The following CPNE4 variants were observed in gnomAD, a reference collection of about 807,000 sequenced individuals.
CPNE4 encodes copine 4.
A neutral mutation model predicts 67.9 loss-of-function variants in CPNE4; 25 were observed. That is an observed-to-expected ratio of 0.37 (90% CI 0.27 to 0.51). The LOEUF (loss-of-function observed/expected upper bound fraction) is 0.51. Among genes scored for constraint, CPNE4 ranks in the 20% least tolerant of loss-of-function variants. The pLI, the probability that CPNE4 is intolerant of heterozygous loss-of-function variation, is 0.93. For synonymous variants in CPNE4, 242 were observed against 244.9 expected (o/e 0.99, Z 0.11); for missense variants, 464 against 690.8 (o/e 0.67, Z 3.68).
chr3:131,977,547 A>C (rs1284726162), intron 1 of CPNE4, among the ~76,000 whole-genome samples: 3 of 151,930 alleles, frequency 2.0e-5, no homozygotes, highest in Admixed American at 2.0e-4. Context: ...ATACCATGCA[A>C]ACACACACAC....
At chr3:131,576,129 T>G (rs1044975116) in intron 9 of CPNE4, among the ~76,000 whole-genome samples, 1 of 149,212 alleles carries the variant, frequency 6.7e-6, no homozygotes, top group Non-Finnish European at 1.5e-5. Flanking sequence ...TCAGATTCCA[T>G]CTAATGCTCA....
chr3:131,677,320 G>A (rs886335961), intron 6 of CPNE4, among the ~76,000 whole-genome samples: 31 of 151,384 alleles, frequency 2.0e-4, no homozygotes, highest in African/African-American at 7.3e-4. Context: ...CCTTATAGAC[G>A]CTGGATATTA....
At chr3:131,949,597 G>T (rs1246658301) in intron 1 of CPNE4, among the ~76,000 whole-genome samples, 1 of 152,056 alleles carries the variant, frequency 6.6e-6, no homozygotes, top group Non-Finnish European at 1.5e-5. Flanking sequence ...TCTGAGTCAA[G>T]AATAAAATAA....
chr3:131,575,852 AG>A (rs1937535930), intron 9 of CPNE4, among the ~76,000 whole-genome samples: 1 of 152,088 alleles, frequency 6.6e-6, no homozygotes. Context: ...TCTGGAAGTC[AG>A]TATGGTTGTT....
In CPNE4 at chr3:131,739,074, T is replaced by G. The variant is rs2082303410; in HGVS notation, c.181-15449A>C. On this transcript the variant is annotated intron_variant, in intron 2 of 15. Coordinates refer to ENST00000429747, the MANE Select transcript of CPNE4 (RefSeq NM_130808.3). ...TTCGCCATGTTGGCCAGGCTGCTTT[T>G]TATTTTCTATACTTTTATACTTCGA... Among the ~76,000 whole-genome samples, 2 of 152,228 alleles carry G rather than the reference T, an allele frequency of 1.3e-5. 1 individual carries two copies. The highest frequency in any genetic ancestry group is 4.1e-4 in the South Asian group (2 of 4,824).
chr3:131,664,475 T>C (rs561236312), intron 7 of CPNE4, among the ~76,000 whole-genome samples: 1 of 152,330 alleles, frequency 6.6e-6, no homozygotes, highest in South Asian at 2.1e-4. Flanking sequence ...TATAGTTTTA[T>C]TGAGAGACTT....
intron 1 of CPNE4, among the ~76,000 whole-genome samples, chr3:132,033,603 C>G (rs972214226): frequency 6.6e-6 from 1 of 152,206 alleles, no homozygotes; most frequent in Admixed American, 6.5e-5. Context: ...GTGACTTTCC[C>G]TGGAGCCTAG....
chr3:131,875,466 T>C (rs558916783), intron 2 of CPNE4, among the ~76,000 whole-genome samples: 1 of 152,046 alleles, frequency 6.6e-6, no homozygotes, highest in Non-Finnish European at 1.5e-5. Flanking sequence ...ATTAAGAAAA[T>C]GTGGCACATA....
intron 5 of CPNE4, among the ~76,000 whole-genome samples, chr3:131,687,374 T>C (rs2080918081): frequency 6.6e-6 from 1 of 152,212 alleles, no homozygotes; most frequent in South Asian, 2.1e-4. Context: ...TAGTACATAG[T>C]GTTTATTGAA....
chr3:131,818,874 G>A (rs901334688), intron 2 of CPNE4, among the ~76,000 whole-genome samples: 2 of 152,206 alleles, frequency 1.3e-5, no homozygotes, highest in African/African-American at 4.8e-5. Context: ...GGCTGAGGCA[G>A]GCAGATCACG....
intron 2 of CPNE4, among the ~76,000 whole-genome samples, chr3:131,874,213 C>G (rs572785142): frequency 1.3e-5 from 2 of 151,904 alleles, no homozygotes; most frequent in Non-Finnish European, 1.5e-5. Context: ...CTCAGCCCCC[C>G]GAGTAGCTGA....
At chr3:131,634,981 A>G (rs969717577) in intron 7 of CPNE4, among the ~76,000 whole-genome samples, 2 of 152,212 alleles carry the variant, frequency 1.3e-5, no homozygotes, top group Non-Finnish European at 2.9e-5. Context: ...TATTTCATTT[A>G]TAGCTTATCC....
chr3:131,844,263 T>C (rs1164198297), intron 2 of CPNE4, among the ~76,000 whole-genome samples: 1 of 151,406 alleles, frequency 6.6e-6, no homozygotes, highest in Non-Finnish European at 1.5e-5. Flanking sequence ...TATGTTCTTT[T>C]TTTTTTTTTT....
chr3:131,965,922 A>G (rs1020864170), intron 1 of CPNE4, among the ~76,000 whole-genome samples: 3 of 151,748 alleles, frequency 2.0e-5, no homozygotes, highest in Non-Finnish European at 3.0e-5. Context: ...CAGAATATAC[A>G]TTCTCAGCAC....
chr3:131,802,410 C>T (rs1008398242), intron 2 of CPNE4, among the ~76,000 whole-genome samples: 39 of 152,190 alleles, frequency 2.6e-4, no homozygotes, highest in African/African-American at 9.2e-4. Context: ...CAGACCTCTG[C>T]TCTGGGTATA....
At chr3:131,706,838 T>C (rs2081425871) in intron 3 of CPNE4, among the ~76,000 whole-genome samples, 1 of 152,214 alleles carries the variant, frequency 6.6e-6, no homozygotes, top group African/African-American at 2.4e-5. Context: ...CTTAACTGTT[T>C]CAACCCACTG....
intron 2 of CPNE4, among the ~76,000 whole-genome samples, chr3:131,811,636 TA>T (rs1249496748): frequency 6.6e-6 from 1 of 152,124 alleles, no homozygotes; most frequent in Non-Finnish European, 1.5e-5. Context: ...TTATTCAAAT[TA>T]GTCCTTATAT....
At position 131,799,869 on chromosome 3, in the gene CPNE4, C is replaced by A. The variant is rs147951642; in HGVS notation, c.181-76244G>T. 4.6e-5 allele frequency among the ~76,000 whole-genome samples: 7 copies of A among 151,414 alleles called. No homozygotes were observed. The East Asian group carries it at 1.4e-3, about 29-fold the overall frequency. ...TAGAGCAGTCTTTAGTTTCCGAGAT[C>A]CTTAAACATCAGGTGGATTGTTTTT... is the stretch of plus-strand genomic sequence containing the variant. On this transcript the variant is annotated intron_variant, in intron 2 of 15. Coordinates refer to ENST00000429747, the MANE Select transcript of CPNE4 (RefSeq NM_130808.3).
intron 1 of CPNE4, among the ~76,000 whole-genome samples, chr3:131,974,551 T>C (rs931077741): frequency 2.0e-5 from 3 of 152,162 alleles, no homozygotes; most frequent in Admixed American, 6.5e-5. Flanking sequence ...TCTCTGCCTG[T>C]AATGAGAAAA....
Sources: allele counts gnomAD v4.1 joint callset (sites outside exome capture counted in the v4.1 genomes callset), GRCh38; gene constraint gnomAD v4.1.1; transcripts MANE v1.5; gene names NCBI Gene and HGNC (gene_info 2026-07-23, HGNC 2026-07-21).